Variants in ZNF723 observed in about 807,000 individuals in gnomAD.
The protein encoded by ZNF723 is zinc finger protein 723, also known as zinc finger protein 723, pseudogene.
In ZNF723, 5 loss-of-function variants were observed where a neutral mutation model predicts 9.4. The observed-to-expected ratio is 0.53, with a 90% CI of 0.28 to 1.12. The LOEUF (loss-of-function observed/expected upper bound fraction) is 1.12, where lower values mean the gene tolerates loss of function less well. Among genes scored for constraint, ZNF723 ranks in the 50% most tolerant of loss-of-function variants. The pLI is 0.10. For synonymous variants in ZNF723, 158 were observed against 168.8 expected (o/e 0.94, Z 0.49); for missense variants, 450 against 501.5 (o/e 0.90, Z 0.98).
rs1967511220 is a variant in ZNF723 at position 22,858,212 on chromosome 19, A to G, written c.1321A>G (p.Thr441Ala). The change falls in exon 4 of 4, where the codon ACT (threonine) becomes GCT (alanine). Residue 441 changes from threonine to alanine, a missense_variant. Physicochemically the swap from Thr to Ala is moderately conservative, Grantham distance 58. This residue lies in a region of ZNF723 where 237 missense variants were observed against 332.2 expected (regional missense o/e 0.71). Coordinates refer to ENST00000600766, the MANE Select transcript of ZNF723 (RefSeq NM_001349726.2). ...GKGFSQSSTL[T>A]KHKIIHTKEK... The stretch of plus-strand genomic sequence containing the variant: ...AGGTTTTAGCCAATCCTCAACCCTT[A>G]CTAAACATAAGATAATTCATACTAA... 1 of 1,372,650 alleles carries G rather than the reference A, an allele frequency of 7.3e-7. No individual in the cohort carries two copies. Among genetic ancestry groups the G allele is most frequent in the Non-Finnish European group, 1.0e-6 (1 of 963,140 alleles). The allele number at this position is 1,372,650 out of a possible 1,614,324, so 85.0% of individuals were successfully genotyped here. A position where few individuals can be genotyped will look rare whatever the true frequency, so the allele number is the denominator to read the frequency against.
At chr19:22,846,760 G>C (rs1246329491) in intron 1 of ZNF723, among the ~76,000 whole-genome samples, 1 of 145,936 alleles carries the variant, frequency 6.9e-6, no homozygotes, top group Non-Finnish European at 1.5e-5. Flanking sequence ...TCTGTATCTT[G>C]AATTTTGCAT....
chr19:22,845,889 C>CTTTTTTTTTTTT (rs1214348571), intron 1 of ZNF723, among the ~76,000 whole-genome samples: 12,834 of 122,918 alleles, frequency 0.1, 851 homozygotes, highest in Non-Finnish European at 0.12. Context: ...AAAAATATGC[C>CTTTTTTTTTTTT]TTTTTTTTTT....
intron 3 of ZNF723, among the ~76,000 whole-genome samples, chr19:22,852,773 C>T (rs1674581128): frequency 6.6e-6 from 1 of 152,056 alleles, no homozygotes; most frequent in African/African-American, 2.4e-5. Flanking sequence ...ATGTTTTTAT[C>T]TCACAAAGCT....
chr19:22,842,314 A>G (rs1568404934), intron 1 of ZNF723, among the ~76,000 whole-genome samples: 1 of 152,158 alleles, frequency 6.6e-6, no homozygotes, highest in African/African-American at 2.4e-5. Context: ...GTCCTGAACT[A>G]AGAGTTTTTT....
At chr19:22,844,734 G>A (rs527910995) in intron 1 of ZNF723, among the ~76,000 whole-genome samples, 21 of 152,252 alleles carry the variant, frequency 1.4e-4, no homozygotes, top group Middle Eastern at 3.4e-3. Context: ...AAAAGAGTAC[G>A]GAGTTTAAGG....
intron 1 of ZNF723, among the ~76,000 whole-genome samples, chr19:22,846,427 A>G (rs2145220134): frequency 6.6e-6 from 1 of 152,340 alleles, no homozygotes; most frequent in South Asian, 2.1e-4. Context: ...GTTCAAGAGC[A>G]GCCTGGCCAA....
intron 1 of ZNF723, chr19:22,840,702 G>GA (rs1308011200): frequency 1.3e-5 from 2 of 152,140 alleles, no homozygotes; most frequent in Admixed American, 6.5e-5. Context: ...TTCTGTTTCA[G>GA]AAGCCCTATT....
At chr19:22,836,143 C>G (rs1248225049) in intron 1 of ZNF723, among the ~76,000 whole-genome samples, 2 of 152,134 alleles carry the variant, frequency 1.3e-5, no homozygotes, top group African/African-American at 4.8e-5. Context: ...TTATTAAAGG[C>G]ACCGTTAGTT....
chr19:22,821,329 C>T, the ZNF723 span, among the ~76,000 whole-genome samples: 6 of 152,222 alleles, frequency 3.9e-5, no homozygotes, highest in South Asian at 1.2e-3. Flanking sequence ...GTGCAAGCAT[C>T]TAAGGTATTT....
chr19:22,822,891 G>A, the ZNF723 span, among the ~76,000 whole-genome samples: 1 of 152,112 alleles, frequency 6.6e-6, no homozygotes, highest in Non-Finnish European at 1.5e-5. Context: ...ATTCTCATAG[G>A]CATACCCTGC....
At chr19:22,855,296 C>T (rs8105836) in intron 3 of ZNF723, among the ~76,000 whole-genome samples, 33,349 of 149,788 alleles carry the variant, frequency 0.22, 4,652 homozygotes, top group African/African-American at 0.4. Flanking sequence ...TGGTGCAGTC[C>T]TGGCTCACTG....
At chr19:22,814,968 T>C in the ZNF723 span, among the ~76,000 whole-genome samples, 3 of 152,084 alleles carry the variant, frequency 2.0e-5, no homozygotes, top group Non-Finnish European at 2.9e-5. Flanking sequence ...CTAGGTGATA[T>C]GATTTTTCTC....
At chr19:22,828,295 C>T (rs1227520614), upstream of ZNF723, among the ~76,000 whole-genome samples, 3 of 152,112 alleles carry the variant, frequency 2.0e-5, no homozygotes, top group Non-Finnish European at 4.4e-5. Context: ...GAGAGTGCCA[C>T]TAAGGCCTAG....
chr19:22,830,542 C>T (rs1268386717), upstream of ZNF723, among the ~76,000 whole-genome samples: 2 of 151,640 alleles, frequency 1.3e-5, no homozygotes, highest in Middle Eastern at 3.2e-3. Context: ...AAAAATCCAG[C>T]TTCTAGTGTA....
chr19:22,829,130 G>A (rs559251990), upstream of ZNF723, among the ~76,000 whole-genome samples: 25 of 151,816 alleles, frequency 1.6e-4, no homozygotes, highest in Admixed American at 1.2e-3. Flanking sequence ...CTGAGATTGC[G>A]CCCTTGCACT....
chr19:22,842,909 T>G (rs1967267365), intron 1 of ZNF723, among the ~76,000 whole-genome samples: 1 of 152,224 alleles, frequency 6.6e-6, no homozygotes, highest in Non-Finnish European at 1.5e-5. Context: ...AAGTTCCTCT[T>G]TGAGAATGTG....
the ZNF723 span, among the ~76,000 whole-genome samples, chr19:22,814,300 CAA>C: frequency 8.5e-5 from 13 of 152,276 alleles, no homozygotes; most frequent in East Asian, 2.1e-3. Context: ...TAGGATAGTA[CAA>C]AGAGTGACGT....
Position 22,857,506 on chromosome 19 carries a change from A to G in ZNF723, c.615A>G (p.Glu205=). 8.3e-7 allele frequency: 1 copy of G among 1,198,436 alleles called. No homozygotes were observed. Among genetic ancestry groups the G allele is most frequent in the South Asian group, 1.2e-5 (1 of 81,878 alleles). 74.2% of individuals were successfully genotyped at this position (1,198,436 alleles called of 1,614,324 possible). A position where few individuals can be genotyped will look rare whatever the true frequency, so the allele number is the denominator to read the frequency against. ...HTRVNCYKCE[E]CGKAFSVPSK... ...GAGTGAATTGTTACAAATGTGAAGA[A>G]TGTGGCAAAGCCTTTAGTGTGCCCT... The change falls in exon 4 of 4, where the codon GAA becomes GAG. Residue 205 remains glutamate, a synonymous_variant. Coordinates refer to ENST00000600766, the MANE Select transcript of ZNF723 (RefSeq NM_001349726.2).
chr19:22,840,613 A>G (rs1967231741), intron 1 of ZNF723: 1 of 152,128 alleles, frequency 6.6e-6, no homozygotes, highest in Admixed American at 6.6e-5. Context: ...TTGTTTTTAA[A>G]GATGCTTTTA....
Sources: gnomAD v4.1 joint callset for allele counts (sites outside exome capture counted in the v4.1 genomes callset) on GRCh38, gnomAD v4.1.1 for gene constraint, gnomAD v4.1.1 regional missense constraint, MANE v1.5 for transcripts, NCBI Gene and HGNC (gene_info 2026-07-23, HGNC 2026-07-21) for gene names.